The following CUX1 variants were observed in gnomAD, a reference collection of about 807,000 sequenced individuals.
CUX1 encodes the protein cut like homeobox 1, also known as protein CASP.
CUX1 carries 31 observed loss-of-function variants against 158.8 expected under a neutral mutation model. That is an observed-to-expected ratio of 0.20 (90% CI 0.15 to 0.26). The LOEUF (loss-of-function observed/expected upper bound fraction) is 0.26. Ranked by LOEUF, CUX1 falls within the 10% of genes least tolerant of loss-of-function variation. The pLI is 1.00. For synonymous variants in CUX1, 879 were observed against 862.1 expected (o/e 1.02, Z -0.34); for missense variants, 1,589 against 2,014.6 (o/e 0.79, Z 4.04).
At chr7:101,855,745 G>A (rs1227996767) in intron 1 of CUX1, among the ~76,000 whole-genome samples, 2 of 152,072 alleles carry the variant, frequency 1.3e-5, no homozygotes, top group Admixed American at 1.3e-4. Flanking sequence ...GGGCGCAGTG[G>A]CAGACGCCTG....
At chr7:101,816,509 A>C, upstream of CUX1, among the ~76,000 whole-genome samples, 1 of 130,116 alleles carries the variant, frequency 7.7e-6, no homozygotes, top group Non-Finnish European at 1.7e-5. Flanking sequence ...GGGAGCGGGG[A>C]GCGGGCGGCG....
chr7:102,025,781 C>T (rs1819947985), intron 2 of CUX1, among the ~76,000 whole-genome samples: 1 of 152,100 alleles, frequency 6.6e-6, no homozygotes, highest in Admixed American at 6.6e-5. Flanking sequence ...TCCTTTGGAA[C>T]AGTATATAGT....
At chr7:102,213,439 AG>A (rs111914140) in intron 20 of CUX1, among the ~76,000 whole-genome samples, 6 of 152,314 alleles carry the variant, frequency 3.9e-5, no homozygotes, top group African/African-American at 1.2e-4. Flanking sequence ...CAGGCCAACT[AG>A]GCTAGACACA....
chr7:102,191,131 G>A (rs538401685), intron 12 of CUX1, among the ~76,000 whole-genome samples: 7 of 152,172 alleles, frequency 4.6e-5, no homozygotes, highest in African/African-American at 1.7e-4. Context: ...CCCCTGAGCG[G>A]TCTCATCCCC....
Position 102,152,912 on chromosome 7 carries a change from T to C in CUX1, c.675-5648T>C, listed in dbSNP as rs150116584. Among the ~76,000 whole-genome samples the C allele has an allele frequency of 3.1e-3, 477 of 152,302 alleles. 3 individuals carry two copies. The highest frequency in any genetic ancestry group is 0.011 in the African/African-American group (463 of 41,562). On this transcript the variant is annotated intron_variant, in intron 8 of 23. Transcript: ENST00000292535. ...AAGCCTGGGGAAAGAGAGTTGCTTT[T>C]GTCATGAAAGGTAAGTGCAGTCCTT...
chr7:102,240,494 G>A (rs1800082242), intron 23 of CUX1, among the ~76,000 whole-genome samples: 1 of 151,992 alleles, frequency 6.6e-6, no homozygotes, highest in Non-Finnish European at 1.5e-5. Context: ...CTGGCCTCAA[G>A]CAGTCCTACC....
At chr7:101,934,733 C>T (rs1000866656) in intron 2 of CUX1, among the ~76,000 whole-genome samples, 6 of 152,226 alleles carry the variant, frequency 3.9e-5, no homozygotes, top group Non-Finnish European at 7.3e-5. Flanking sequence ...TCCCAGAAAG[C>T]GCTTCCCCCG....
chr7:102,096,809 C>G (rs1829243970), intron 4 of CUX1, among the ~76,000 whole-genome samples: 1 of 152,220 alleles, frequency 6.6e-6, no homozygotes. Flanking sequence ...GTGAGTCATT[C>G]TGCTTCCCTG....
chr7:101,886,259 T>C (rs1308285804), intron 1 of CUX1, among the ~76,000 whole-genome samples: 4 of 152,068 alleles, frequency 2.6e-5, no homozygotes, highest in Non-Finnish European at 4.4e-5. Context: ...AGTGGCACAA[T>C]CTCACCTCAT....
At chr7:102,216,524 A>ACC in intron 20 of CUX1, among the ~76,000 whole-genome samples, 1 of 71,878 alleles carries the variant, frequency 1.4e-5, no homozygotes, top group African/African-American at 5.6e-5. Context: ...GCACACACAC[A>ACC]CTCTCCCCCC....
intron 19 of CUX1, 37 bp from the exon 20 acceptor site, chr7:102,205,077 C>G (rs1554520721): frequency 6.9e-7 from 1 of 1,452,244 alleles, no homozygotes. Flanking sequence ...CCCTGGGCCG[C>G]GTTCCTTCCT....
rs77193727 is a variant in CUX1 at position 101,861,410 on chromosome 7, A to C, written c.30+43741A>C. On this transcript the variant is annotated intron_variant, in intron 1 of 23. Transcript: ENST00000292535. ...CTGTTAAGAGCCAGTAACAGGTGCA[A>C]ATTTGCAACCCGTTTTTTCCCCAAT... Among the ~76,000 whole-genome samples, 33 of 152,282 alleles carry C rather than the reference A, an allele frequency of 2.2e-4. No individual in the cohort carries two copies. The East Asian group carries it at 6.2e-3, about 28-fold the overall frequency.
intron 2 of CUX1, among the ~76,000 whole-genome samples, chr7:101,967,934 C>T (rs940585196): frequency 1.3e-5 from 2 of 152,064 alleles, no homozygotes; most frequent in African/African-American, 4.8e-5. Flanking sequence ...GACAGGGTCT[C>T]CCTGTGTTGC....
At position 102,083,565 on chromosome 7, in the gene CUX1, C is replaced by T. The variant is rs1256587367; in HGVS notation, c.268+13148C>T. ...AAGCAGTCCTCCCACCTTGGCCTCA[C>T]GAAGTGCTGGGATTATGGGCATGAG... On this transcript the variant is annotated intron_variant, in intron 4 of 23. Coordinates refer to ENST00000292535, the MANE Select transcript of CUX1 (RefSeq NM_181552.4). 4.8e-5 allele frequency among the ~76,000 whole-genome samples: 7 copies of T among 147,232 alleles called. 2 individuals are homozygous for T. The highest frequency in any genetic ancestry group is 6.1e-5 in the Non-Finnish European group (4 of 65,242).
In CUX1 at chr7:101,976,900, A is replaced by ATTTTTTTTTTTTTT. The variant is rs10643207; in HGVS notation, c.142-51183_142-51170dup. 6.8e-4 allele frequency among the ~76,000 whole-genome samples: 27 copies of ATTTTTTTTTTTTTT among 39,460 alleles called. 3 individuals are homozygous for ATTTTTTTTTTTTTT. The highest frequency in any genetic ancestry group is 1.1e-3 in the Non-Finnish European group (25 of 23,756). 25.9% of individuals were successfully genotyped at this position (39,460 alleles called of 152,430 possible). ...ATTTGAATAGTCTTTTCCCTTTCTGATTTTTTTTTTTTTTTTTTTTTTTTT... is the reference window on the plus strand; with the variant it reads ...ATTTGAATAGTCTTTTCCCTTTCTGATTTTTTTTTTTTTTTTTTTTTTTTTTTTTTTTTTTTTTT... On this transcript the variant is annotated intron_variant, in intron 2 of 23. Coordinates refer to ENST00000292535, the MANE Select transcript of CUX1 (RefSeq NM_181552.4).
At chr7:101,858,973 GA>G (rs1797168124) in intron 1 of CUX1, among the ~76,000 whole-genome samples, 2 of 152,150 alleles carry the variant, frequency 1.3e-5, no homozygotes, top group African/African-American at 4.8e-5. Flanking sequence ...CATGCGTTGT[GA>G]AAACCAGCAG....
intron 22 of CUX1, among the ~76,000 whole-genome samples, chr7:102,238,363 T>C (rs1163839457): frequency 6.6e-6 from 1 of 152,226 alleles, no homozygotes; most frequent in Non-Finnish European, 1.5e-5. Flanking sequence ...TGGCCCTGTC[T>C]GGGCATAACA....
intron 3 of CUX1, among the ~76,000 whole-genome samples, chr7:102,053,508 G>A (rs1038438624): frequency 1.3e-5 from 2 of 151,998 alleles, no homozygotes; most frequent in Non-Finnish European, 2.9e-5. Flanking sequence ...TAATCACCCT[G>A]TCGTGCTATC....
intron 8 of CUX1, among the ~76,000 whole-genome samples, chr7:102,133,622 T>C (rs1833569150): frequency 6.6e-6 from 1 of 151,912 alleles, no homozygotes; most frequent in South Asian, 2.1e-4. Flanking sequence ...ACCACAGGCA[T>C]GTGCCACCAC....
Sources: gnomAD v4.1 joint callset for allele counts (sites outside exome capture counted in the v4.1 genomes callset) on GRCh38, gnomAD v4.1.1 for gene constraint, MANE v1.5 for transcripts, NCBI Gene and HGNC (gene_info 2026-07-23, HGNC 2026-07-21) for gene names.